Variants in PCSK5 observed in about 807,000 individuals in gnomAD.
PCSK5 encodes proprotein convertase subtilisin/kexin type 5.
Under a neutral mutation model 233.2 loss-of-function variants are expected in PCSK5, and 129 were observed. That is an observed-to-expected ratio of 0.55 (90% CI 0.48 to 0.64). The LOEUF (loss-of-function observed/expected upper bound fraction) is 0.64, where lower values mean the gene tolerates loss of function less well. Among genes scored for constraint, PCSK5 ranks in the 30% least tolerant of loss-of-function variants. The probability of loss-of-function intolerance (pLI) is 0.00; values close to 1 mark genes in which losing one functional copy is unlikely to be tolerated. For synonymous variants in PCSK5, 825 were observed against 879.2 expected, an observed-to-expected ratio of 0.94 and a Z score of 1.09; for missense variants, 2,076 against 2,430.1, an observed-to-expected ratio of 0.85 and a Z score of 3.06.
At chr9:76,004,344 T>C (rs1485305454) in intron 3 of PCSK5, among the ~76,000 whole-genome samples, 1 of 152,118 alleles carries the variant, frequency 6.6e-6, no homozygotes, top group Non-Finnish European at 1.5e-5. Flanking sequence ...CGGCTTCCTG[T>C]CAGGTGGTAT....
intron 24 of PCSK5, among the ~76,000 whole-genome samples, chr9:76,272,812 C>T (rs888193607): frequency 7.6e-5 from 11 of 144,376 alleles, no homozygotes; most frequent in Admixed American, 2.8e-4. Context: ...ATTCACACTC[C>T]CAAGAATGCC....
chr9:76,027,387 G>A (rs1828472803), intron 5 of PCSK5, among the ~76,000 whole-genome samples: 1 of 151,898 alleles, frequency 6.6e-6, no homozygotes, highest in African/African-American at 2.4e-5. Context: ...GAATTATTTT[G>A]TTCTGTTAAA....
At chr9:76,028,534 G>T (rs763684954) in intron 5 of PCSK5, among the ~76,000 whole-genome samples, 26 of 152,086 alleles carry the variant, frequency 1.7e-4, no homozygotes, top group Admixed American at 7.2e-4. Context: ...TGGGTGGGAT[G>T]GCAGAAATGG....
At chr9:75,946,607 G>A (rs1171927085) in intron 2 of PCSK5, among the ~76,000 whole-genome samples, 1 of 151,472 alleles carries the variant, frequency 6.6e-6, no homozygotes, top group Non-Finnish European at 1.5e-5. Context: ...TTCTTTTTTT[G>A]AGACAGAGTC....
At chr9:76,330,973 A>G (rs1357644893) in intron 33 of PCSK5, among the ~76,000 whole-genome samples, 1 of 152,144 alleles carries the variant, frequency 6.6e-6, no homozygotes, top group African/African-American at 2.4e-5. Context: ...TATAGAGAAG[A>G]CAGCTTGCCT....
At chr9:75,917,717 T>G (rs770602547) in intron 1 of PCSK5, among the ~76,000 whole-genome samples, 11 of 152,254 alleles carry the variant, frequency 7.2e-5, no homozygotes, top group Non-Finnish European at 1.6e-4. Context: ...TTGGGATTAC[T>G]TTATTCATCT....
Position 76,083,204 on chromosome 9 carries a change from CAAA to C in PCSK5, c.894+11327_894+11329del, listed in dbSNP as rs11324176. ...AGCCTGGGCAACAGAAGCGAGATCT[CAAA>C]AAAAAAAAAAAAAAAAAAAAGAAGA... is the stretch of plus-strand genomic sequence containing the variant. On this transcript the variant is annotated intron_variant, in intron 7 of 37. Coordinates refer to ENST00000674117, the MANE Select transcript of PCSK5 (RefSeq NM_001372043.1). Among the ~76,000 whole-genome samples, 633 of 75,442 alleles carry C rather than the reference CAAA, an allele frequency of 8.4e-3. 4 individuals carry two copies. Among genetic ancestry groups the C allele is most frequent in the Middle Eastern group, 0.03 (4 of 132 alleles). The allele number at this position is 75,442 out of a possible 152,430, so 49.5% of individuals were successfully genotyped here.
rs761906051 is a variant in PCSK5 at position 76,158,114 on chromosome 9, C to T, written c.1431-869C>T. 3.4e-4 allele frequency among the ~76,000 whole-genome samples: 52 copies of T among 152,112 alleles called. 1 individual carries two copies. The highest frequency in any genetic ancestry group is 1.0e-3 in the Admixed American group (16 of 15,276). ...AAAGGAGAATAAGTAATACTTCCTA[C>T]CCTTGTGGAGGTTACAGTCTAATGG... On this transcript the variant is annotated intron_variant, in intron 11 of 37. Coordinates refer to ENST00000674117, the MANE Select transcript of PCSK5 (RefSeq NM_001372043.1).
chr9:76,046,327 G>A (rs1273353271), intron 5 of PCSK5, among the ~76,000 whole-genome samples: 5 of 150,512 alleles, frequency 3.3e-5, no homozygotes, highest in Non-Finnish European at 7.4e-5. Flanking sequence ...ACAGGCGCGC[G>A]CCGCTATGCC....
chr9:76,335,477 C>A (rs1250560114), intron 34 of PCSK5, among the ~76,000 whole-genome samples: 1 of 152,174 alleles, frequency 6.6e-6, no homozygotes, highest in African/African-American at 2.4e-5. Context: ...TCTCTGCACC[C>A]TATCCCAACC....
At chr9:76,272,724 G>T (rs918667806) in intron 24 of PCSK5, among the ~76,000 whole-genome samples, 3 of 124,112 alleles carry the variant, frequency 2.4e-5, no homozygotes, top group Non-Finnish European at 3.2e-5. Flanking sequence ...GCAGTGAGCC[G>T]AGATCACGCC....
At chr9:76,064,382 G>C (rs1409976472) in intron 5 of PCSK5, among the ~76,000 whole-genome samples, 160 of 114,598 alleles carry the variant, frequency 1.4e-3, no homozygotes, top group Non-Finnish European at 2.6e-3. Flanking sequence ...CCTCCCTCCC[G>C]GACGGCACGG....
At chr9:76,192,578 G>A (rs1034832108) in intron 20 of PCSK5, among the ~76,000 whole-genome samples, 1 of 152,004 alleles carries the variant, frequency 6.6e-6, no homozygotes, top group Admixed American at 6.5e-5. Flanking sequence ...GTTCAACCGA[G>A]TTAGGCACAT....
chr9:75,960,706 C>T (rs774371466), intron 2 of PCSK5, among the ~76,000 whole-genome samples: 2 of 152,178 alleles, frequency 1.3e-5, no homozygotes, highest in African/African-American at 2.4e-5. Flanking sequence ...GGCTCTCCTT[C>T]GTGCTCCAGC....
chr9:76,035,913 C>G (rs773372454), intron 5 of PCSK5, among the ~76,000 whole-genome samples: 4 of 151,968 alleles, frequency 2.6e-5, no homozygotes, highest in Non-Finnish European at 4.4e-5. Flanking sequence ...CAAGAACTTT[C>G]AAATCTCATC....
chr9:76,221,774 G>T (rs1362161107), intron 20 of PCSK5, among the ~76,000 whole-genome samples: 1 of 152,150 alleles, frequency 6.6e-6, no homozygotes, highest in Non-Finnish European at 1.5e-5. Flanking sequence ...GTGTGTGTTG[G>T]ATCCACAATT....
chr9:75,994,156 C>G (rs1029507477), intron 3 of PCSK5, among the ~76,000 whole-genome samples: 9 of 152,072 alleles, frequency 5.9e-5, no homozygotes, highest in Non-Finnish European at 1.3e-4. Flanking sequence ...TCCTACCCCC[C>G]AGATTTACCT....
chr9:76,206,862 A>G (rs1395156209), intron 20 of PCSK5, among the ~76,000 whole-genome samples: 1 of 150,874 alleles, frequency 6.6e-6, no homozygotes, highest in Non-Finnish European at 1.5e-5. Context: ...TTGGTACCAT[A>G]AAACAATACA....
Position 76,197,899 on chromosome 9 carries a change from A to T in PCSK5, c.2626+8153A>T, listed in dbSNP as rs1824764998. On this transcript the variant is annotated intron_variant, in intron 20 of 37. Coordinates refer to ENST00000674117, the MANE Select transcript of PCSK5 (RefSeq NM_001372043.1). The stretch of plus-strand genomic sequence containing the variant: ...CATGAAATCTGAAGTTTTCACACAG[A>T]ATACTTTAGAGCCTTTGACATATTT... 2.6e-5 allele frequency among the ~76,000 whole-genome samples: 4 copies of T among 152,238 alleles called. No individual in the cohort carries two copies. In the South Asian group the frequency reaches 8.3e-4, roughly 31 times the overall value.
Sources: allele counts gnomAD v4.1 joint callset (sites outside exome capture counted in the v4.1 genomes callset), GRCh38; gene constraint gnomAD v4.1.1; transcripts MANE v1.5; gene names NCBI Gene and HGNC (gene_info 2026-07-23, HGNC 2026-07-21).